Variants in SEMA4F observed in about 807,000 individuals in gnomAD.
SEMA4F encodes the protein ssemaphorin 4F.
A neutral mutation model predicts 78.4 loss-of-function variants in SEMA4F; 51 were observed. The observed-to-expected ratio is 0.65, with a 90% CI of 0.52 to 0.82. The LOEUF (loss-of-function observed/expected upper bound fraction) is 0.82. SEMA4F is among the 40% of genes least tolerant of loss of function. The pLI is 0.00. For missense variants in SEMA4F, 938 were observed against 1,014.4 expected (o/e 0.92, Z 1.02); for synonymous variants, 418 against 408.7 (o/e 1.02, Z -0.27).
rs753042321 is a variant in SEMA4F at position 74,676,006 on chromosome 2, G to A, written c.1643+97G>A. Reference sequence around the variant, plus strand: ...ATCTGTTAATGCTGCCCTGCCGGAGGCTGTTTTCTTTTTCTGTCTGTTAGT... The same window carrying A: ...ATCTGTTAATGCTGCCCTGCCGGAGACTGTTTTCTTTTTCTGTCTGTTAGT... On this transcript the variant is annotated intron_variant, in intron 12 of 13. Coordinates refer to ENST00000357877, the MANE Select transcript of SEMA4F (RefSeq NM_004263.5). 6.5e-6 allele frequency: 9 copies of A among 1,379,450 alleles called. No individual in the cohort carries two copies. The Admixed American group carries it at 9.8e-5, about 15-fold the overall frequency. The allele number at this position is 1,379,450 out of a possible 1,614,324, so 85.5% of individuals were successfully genotyped here.
At position 74,675,189 on chromosome 2, in the gene SEMA4F, C is replaced by CTG; in HGVS notation, c.1177_1178insTG (p.His393LeufsTer51). On this transcript the variant is annotated frameshift_variant, in exon 10 of 14. Transcript: ENST00000357877. LOFTEE classifies it high-confidence loss of function. Reference sequence around the variant, plus strand: ...CATCACCAACAACATGAAGCTCCGGCACTTTGGCTCATCTCTCTCCCTGCC... The same window carrying CTG: ...CATCACCAACAACATGAAGCTCCGGCTGACTTTGGCTCATCTCTCTCCCTGCC... The CTG allele has an allele frequency of 6.2e-7, 1 of 1,614,168 alleles. No homozygotes were observed. Among genetic ancestry groups the CTG allele is most frequent in the Non-Finnish European group, 8.5e-7 (1 of 1,180,038 alleles).
intron 5 of SEMA4F, among the ~76,000 whole-genome samples, chr2:74,665,006 A>T (rs975538517): frequency 2.0e-5 from 3 of 152,154 alleles, no homozygotes; most frequent in Non-Finnish European, 2.9e-5. Flanking sequence ...CCAGCTAGCT[A>T]ATCAGTTGAC....
chr2:74,663,815 A>C (rs1282878526), intron 5 of SEMA4F, among the ~76,000 whole-genome samples: 1 of 152,228 alleles, frequency 6.6e-6, no homozygotes, highest in Non-Finnish European at 1.5e-5. Flanking sequence ...TATCAATGTG[A>C]GTTTTAGAGG....
rs1685574530 is a variant in SEMA4F at position 74,680,845 on chromosome 2, T to C, written c.*636T>C. The C allele has an allele frequency of 6.6e-6, 1 of 152,208 alleles. No individual in the cohort carries two copies. Among genetic ancestry groups the C allele is most frequent in the Non-Finnish European group, 1.5e-5 (1 of 68,058 alleles). 9.4% of individuals were successfully genotyped at this position (152,208 alleles called of 1,614,324 possible). A position where few individuals can be genotyped will look rare whatever the true frequency, so the allele number is the denominator to read the frequency against. The stretch of plus-strand genomic sequence containing the variant: ...GGGATGGGGAGGGAGACAATTGGAA[T>C]GGGGGCGTTGCCTGCAGAACTTTAG... On this transcript the variant is annotated 3_prime_UTR_variant, in exon 14 of 14. Coordinates refer to ENST00000357877, the MANE Select transcript of SEMA4F (RefSeq NM_004263.5).
intron 9 of SEMA4F, 58 bp from the exon 10 acceptor site, chr2:74,675,104 C>T: frequency 1.2e-6 from 2 of 1,613,234 alleles, no homozygotes; most frequent in East Asian, 2.2e-5. Flanking sequence ...CCCCACTAAG[C>T]ATCACTGGCA....
chr2:74,664,112 T>G (rs1451098268), intron 5 of SEMA4F, among the ~76,000 whole-genome samples: 1 of 152,184 alleles, frequency 6.6e-6, no homozygotes, highest in Non-Finnish European at 1.5e-5. Flanking sequence ...GAATTTTAGG[T>G]CAGACCACCC....
rs187209566 is a variant in SEMA4F at position 74,661,885 on chromosome 2, A to G, written c.457-847A>G. On this transcript the variant is annotated intron_variant, in intron 4 of 13. Coordinates refer to ENST00000357877, the MANE Select transcript of SEMA4F (RefSeq NM_004263.5). The stretch of plus-strand genomic sequence containing the variant: ...GTGAACTAAAGATATCATCCCTGGC[A>G]TTTCCGTGCCATAACTTTGACTCTC... Among the ~76,000 whole-genome samples, 4 of 152,302 alleles carry G rather than the reference A, an allele frequency of 2.6e-5. No individual in the cohort carries two copies. In the East Asian group the frequency reaches 7.7e-4, roughly 29 times the overall value.
the SEMA4F span, among the ~76,000 whole-genome samples, chr2:74,696,406 C>T: frequency 3.3e-4 from 50 of 152,164 alleles, no homozygotes; most frequent in Non-Finnish European, 4.4e-5. Flanking sequence ...TCATGTTGGC[C>T]AGGCTGGTCT....
At chr2:74,654,715 C>T (rs1483080944) in intron 1 of SEMA4F, among the ~76,000 whole-genome samples, 194 bp downstream of exon 1, 1 of 152,234 alleles carries the variant, frequency 6.6e-6, no homozygotes, top group Non-Finnish European at 1.5e-5. Flanking sequence ...TCCCGCGCCC[C>T]TCAGCCCCTC....
At chr2:74,696,082 T>G in the SEMA4F span, among the ~76,000 whole-genome samples, 1 of 152,090 alleles carries the variant, frequency 6.6e-6, no homozygotes, top group Non-Finnish European at 1.5e-5. Context: ...TCTGAAGTGA[T>G]TTTGAAAAAA....
the SEMA4F span, among the ~76,000 whole-genome samples, chr2:74,698,967 G>A: frequency 6.6e-6 from 1 of 152,008 alleles, no homozygotes; most frequent in Non-Finnish European, 1.5e-5. Flanking sequence ...AAGTTTGAGG[G>A]AATTTTTTTT....
chr2:74,675,955 G>C (rs1178784607), intron 12 of SEMA4F, 46 bp downstream of exon 12: 1 of 1,566,124 alleles, frequency 6.4e-7, no homozygotes, highest in Non-Finnish European at 8.6e-7. Context: ...CCAGGGCTCT[G>C]TCCCATCCAT....
downstream of SEMA4F, among the ~76,000 whole-genome samples, chr2:74,686,095 C>CT (rs947785511): frequency 6.7e-5 from 10 of 150,288 alleles, no homozygotes; most frequent in Middle Eastern, 3.4e-3. Context: ...AATAGGAATG[C>CT]TTTTTTTTTC....
chr2:74,663,372 A>G (rs1399267743), intron 5 of SEMA4F, among the ~76,000 whole-genome samples: 1 of 152,246 alleles, frequency 6.6e-6, no homozygotes, highest in Non-Finnish European at 1.5e-5. Context: ...GTGGTACCGT[A>G]TTAGTGTAAT....
intron 1 of SEMA4F, chr2:74,655,412 CTTG>C (rs1488797667): frequency 1.7e-5 from 4 of 236,522 alleles, no homozygotes; most frequent in Admixed American, 4.9e-5. Flanking sequence ...GGCCGTGGAC[CTTG>C]TTGTCTTCTC....
At chr2:74,656,913 G>A (rs1684178365) in intron 2 of SEMA4F, among the ~76,000 whole-genome samples, 1 of 152,046 alleles carries the variant, frequency 6.6e-6, no homozygotes, top group Admixed American at 6.5e-5. Flanking sequence ...CATGATGATG[G>A]GGAGGAGACC....
the SEMA4F span, among the ~76,000 whole-genome samples, chr2:74,699,061 GC>G: frequency 4.0e-5 from 6 of 151,732 alleles, no homozygotes; most frequent in Non-Finnish European, 7.4e-5. Flanking sequence ...TGATCCTCTC[GC>G]CTTGGCCTCC....
In SEMA4F at chr2:74,657,970, GGA is replaced by G. The variant is rs758380253; in HGVS notation, c.456+23_456+24del. ...GGTTATTGTGAGTGACGGTGTGGGA[GGA>G]GAGGGAGAGGGTGCCTGCACCAGTG... On this transcript the variant is annotated intron_variant, in intron 4 of 13. Coordinates refer to ENST00000357877, the MANE Select transcript of SEMA4F (RefSeq NM_004263.5). 3.1e-6 allele frequency: 5 copies of G among 1,603,734 alleles called. No individual in the cohort carries two copies. The highest frequency in any genetic ancestry group is 1.7e-5 in the Admixed American group (1 of 60,022).
At chr2:74,671,053 C>T (rs936583236) in intron 5 of SEMA4F, among the ~76,000 whole-genome samples, 1 of 151,958 alleles carries the variant, frequency 6.6e-6, no homozygotes, top group African/African-American at 2.4e-5. Flanking sequence ...TATCTCTATT[C>T]TGCATTTGAG....
Sources: gnomAD v4.1 joint callset for allele counts (sites outside exome capture counted in the v4.1 genomes callset) on GRCh38, gnomAD v4.1.1 for gene constraint, MANE v1.5 for transcripts, NCBI Gene and HGNC (gene_info 2026-07-23, HGNC 2026-07-21) for gene names.